Variants in TDRP observed in about 807,000 individuals in gnomAD.
TDRP encodes testis development-related protein.
A neutral mutation model predicts 10.5 loss-of-function variants in TDRP; 12 were observed. The observed-to-expected ratio is 1.15, with a 90% CI of 0.73 to 1.86. The LOEUF (loss-of-function observed/expected upper bound fraction) is 1.86, where lower values mean the gene tolerates loss of function less well. TDRP is among the 40% of genes most tolerant of loss of function. TDRP has a pLI of 0.00. For missense variants in TDRP, 353 were observed against 229.2 expected (o/e 1.54, Z -3.49); for synonymous variants, 139 against 95.4 (o/e 1.46, Z -2.67).
chr8:541,104 G>C (rs1584887208), intron 1 of TDRP, among the ~76,000 whole-genome samples: 1 of 152,160 alleles, frequency 6.6e-6, no homozygotes. Context: ...GACTCTTCAT[G>C]AATTTCAAAA....
Position 538,289 on chromosome 8 carries a change from G to A in TDRP, c.108+6361C>T, listed in dbSNP as rs200198991. On this transcript the variant is annotated intron_variant, in intron 1 of 2. Transcript: ENST00000324079. ...GGCCAGGGGATGAGGAACTCAATCA[G>A]ACATCAAGGGTGAGGAGGTTCGCAC... Among the ~76,000 whole-genome samples, 11 of 152,344 alleles carry A rather than the reference G, an allele frequency of 7.2e-5. No homozygotes were observed. In the East Asian group the frequency reaches 1.9e-3, roughly 27 times the overall value.
In TDRP at chr8:507,150, G is replaced by C. The variant is rs1180438982; in HGVS notation, c.109-12553C>G. Among the ~76,000 whole-genome samples the C allele has an allele frequency of 3.9e-5, 6 of 152,126 alleles. No individual in the cohort carries two copies. The South Asian group carries it at 1.0e-3, about 26-fold the overall frequency. ...AAGAACTGCCACTTTAAAACCATCA[G>C]ATCTCATGAGACTCACTCACTATCA... On this transcript the variant is annotated intron_variant, in intron 1 of 2. Transcript: ENST00000324079.
intron 1 of TDRP, among the ~76,000 whole-genome samples, chr8:495,217 G>A (rs376003623): frequency 1.3e-5 from 2 of 152,158 alleles, no homozygotes; most frequent in Non-Finnish European, 2.9e-5. Context: ...CTGGGCAACA[G>A]AGCAAGACCC....
At chr8:514,113 A>G (rs539867102) in intron 1 of TDRP, among the ~76,000 whole-genome samples, 65 of 152,340 alleles carry the variant, frequency 4.3e-4, no homozygotes, top group Admixed American at 1.4e-3. Flanking sequence ...TGCATACAAA[A>G]TAACAGGGGA....
At chr8:531,815 A>G (rs1802207837) in intron 1 of TDRP, among the ~76,000 whole-genome samples, 1 of 152,228 alleles carries the variant, frequency 6.6e-6, no homozygotes, top group Non-Finnish European at 1.5e-5. Flanking sequence ...AAGAATAGCT[A>G]AAAGGAGATG....
At chr8:516,994 C>T (rs973831232) in intron 1 of TDRP, among the ~76,000 whole-genome samples, 1 of 152,142 alleles carries the variant, frequency 6.6e-6, no homozygotes, top group African/African-American at 2.4e-5. Flanking sequence ...AACTAAAATT[C>T]TAAGCCTCCT....
intron 1 of TDRP, among the ~76,000 whole-genome samples, chr8:495,629 G>A (rs1801107155): frequency 6.6e-6 from 1 of 152,314 alleles, no homozygotes; most frequent in South Asian, 2.1e-4. Context: ...CATTGCTAGG[G>A]CTGGGAAGGG....
chr8:543,840 A>G (rs1254409406), intron 1 of TDRP, among the ~76,000 whole-genome samples: 1 of 151,174 alleles, frequency 6.6e-6, no homozygotes, highest in African/African-American at 2.4e-5. Flanking sequence ...CACGTTTAAC[A>G]GAAAGAGATA....
intron 1 of TDRP, among the ~76,000 whole-genome samples, chr8:511,621 C>T (rs1453516709): frequency 6.6e-6 from 1 of 152,170 alleles, no homozygotes; most frequent in East Asian, 1.9e-4. Flanking sequence ...AGTTACAGAA[C>T]TCTCCAACAA....
At position 492,264 on chromosome 8, in the gene TDRP, G is replaced by A. The variant is rs1206190038; in HGVS notation, c.*135C>T. ...TGTGTGTGAGAGTTCATTAAATAAA[G>A]AAACAGAGGTCCAAATATCAAATAT... On this transcript the variant is annotated 3_prime_UTR_variant, in exon 3 of 3. Coordinates refer to ENST00000324079, the MANE Select transcript of TDRP (RefSeq NM_001384899.1). 7.5e-6 allele frequency: 10 copies of A among 1,333,738 alleles called. No individual in the cohort carries two copies. The African/African-American group carries it at 1.5e-4, about 20-fold the overall frequency. 82.6% of individuals were successfully genotyped at this position (1,333,738 alleles called of 1,614,324 possible). A position where few individuals can be genotyped will look rare whatever the true frequency, so the allele number is the denominator to read the frequency against.
At chr8:543,038 T>C (rs1425468732) in intron 1 of TDRP, among the ~76,000 whole-genome samples, 2 of 152,176 alleles carry the variant, frequency 1.3e-5, no homozygotes, top group Non-Finnish European at 2.9e-5. Flanking sequence ...CCAGGCGTGG[T>C]GACTCACGCC....
intron 1 of TDRP, among the ~76,000 whole-genome samples, chr8:504,564 C>G (rs530758008): frequency 6.6e-6 from 1 of 152,344 alleles, no homozygotes; most frequent in South Asian, 2.1e-4. Flanking sequence ...CTGCCACAAA[C>G]CGTGATTCGC....
At chr8:520,043 G>A (rs908233103) in intron 1 of TDRP, among the ~76,000 whole-genome samples, 1 of 152,182 alleles carries the variant, frequency 6.6e-6, no homozygotes, top group Non-Finnish European at 1.5e-5. Flanking sequence ...TTCAGAAGCT[G>A]TATTTCAAAA....
chr8:516,054 T>C (rs1052283642), intron 1 of TDRP, among the ~76,000 whole-genome samples: 1 of 152,018 alleles, frequency 6.6e-6, no homozygotes, highest in Non-Finnish European at 1.5e-5. Flanking sequence ...TTTGAATAAA[T>C]AAAGAGAAAA....
intron 1 of TDRP, among the ~76,000 whole-genome samples, chr8:508,445 G>A (rs1391505094): frequency 6.6e-6 from 1 of 152,174 alleles, no homozygotes; most frequent in South Asian, 2.1e-4. Flanking sequence ...AAAAATGGTG[G>A]AAGGCAAAAG....
intron 1 of TDRP, among the ~76,000 whole-genome samples, chr8:511,877 A>G (rs1297697195): frequency 6.6e-6 from 1 of 152,224 alleles, no homozygotes; most frequent in Non-Finnish European, 1.5e-5. Flanking sequence ...AACAAAGTGA[A>G]GACACAACAT....
chr8:529,107 A>T (rs7008696), intron 1 of TDRP, among the ~76,000 whole-genome samples: 1 of 151,806 alleles, frequency 6.6e-6, no homozygotes, highest in Admixed American at 6.6e-5. Context: ...TGATGAGATG[A>T]TGCCCACTCA....
At chr8:535,897 C>T (rs540401775) in intron 1 of TDRP, among the ~76,000 whole-genome samples, 11 of 151,978 alleles carry the variant, frequency 7.2e-5, no homozygotes, top group Non-Finnish European at 1.5e-4. Flanking sequence ...CCTGGCTGAG[C>T]AAGCTGGGCT....
chr8:500,755 G>T (rs1478547390), intron 1 of TDRP, among the ~76,000 whole-genome samples: 2 of 152,198 alleles, frequency 1.3e-5, no homozygotes, highest in Non-Finnish European at 2.9e-5. Flanking sequence ...AAAGCCTCCA[G>T]GCTGCTCCCT....
Sources: allele counts gnomAD v4.1 joint callset (sites outside exome capture counted in the v4.1 genomes callset), GRCh38; gene constraint gnomAD v4.1.1; transcripts MANE v1.5; gene names NCBI Gene and HGNC (gene_info 2026-07-23, HGNC 2026-07-21).